TMEM255B: variants seen among roughly 807,000 people sequenced by gnomAD.
The protein encoded by TMEM255B is transmembrane protein 255B.
Under a neutral mutation model 34.5 loss-of-function variants are expected in TMEM255B, and 35 were observed. The ratio of observed to expected loss-of-function variants is 1.01; its 90% CI spans 0.77 to 1.34. TMEM255B has a LOEUF of 1.34. Ranked by LOEUF, TMEM255B falls within the 40% of genes most tolerant of loss-of-function variation. The pLI is 0.00. For missense variants in TMEM255B, 432 were observed against 433.2 expected (o/e 1.00, Z 0.02); for synonymous variants, 206 against 201.2 (o/e 1.02, Z -0.20).
At chr13:113,765,768 A>G (rs2050377715) in intron 1 of TMEM255B, among the ~76,000 whole-genome samples, 1 of 152,218 alleles carries the variant, frequency 6.6e-6, no homozygotes, top group Non-Finnish European at 1.5e-5. Context: ...AACAGTAAAC[A>G]AAAGATGCTC....
chr13:113,807,129 G>A (rs1252763212), intron 8 of TMEM255B, among the ~76,000 whole-genome samples: 2 of 152,300 alleles, frequency 1.3e-5, no homozygotes, highest in East Asian at 3.9e-4. Flanking sequence ...TGAGGGGCCC[G>A]GCTTCTCCAA....
At chr13:113,808,483 GGGTTTATTCCATGGTTCCTGGC>G (rs1392303935) in intron 8 of TMEM255B, among the ~76,000 whole-genome samples, 1 of 152,174 alleles carries the variant, frequency 6.6e-6, no homozygotes, top group Non-Finnish European at 1.5e-5. Context: ...TGGTTCCTGG[GGGTTTATTCCATGGTTCCTGGC>G]GGTTTACTCC....
intron 3 of TMEM255B, among the ~76,000 whole-genome samples, chr13:113,771,081 G>A (rs1284242791): frequency 6.6e-6 from 1 of 152,112 alleles, no homozygotes; most frequent in African/African-American, 2.4e-5. Flanking sequence ...TCCCAGATAT[G>A]TGAACCATCA....
At chr13:113,784,730 A>G (rs2050715452) in intron 3 of TMEM255B, among the ~76,000 whole-genome samples, 1 of 152,170 alleles carries the variant, frequency 6.6e-6, no homozygotes, top group Non-Finnish European at 1.5e-5. Flanking sequence ...TCCTTATGCA[A>G]ATTGCTCAGA....
In TMEM255B at chr13:113,779,767, C is replaced by T. The variant is rs967644603; in HGVS notation, c.252+10607C>T. ...AATTGAAAACATTATTTTGGAGACT[C>T]GTAGCCAGAAAAATTAGAATTTAAT... On this transcript the variant is annotated intron_variant, in intron 3 of 8. Coordinates refer to ENST00000375353, the MANE Select transcript of TMEM255B (RefSeq NM_182614.4). 2.6e-5 allele frequency among the ~76,000 whole-genome samples: 4 copies of T among 152,224 alleles called. 1 individual carries two copies. Among genetic ancestry groups the T allele is most frequent in the South Asian group, 4.1e-4 (2 of 4,822 alleles).
intron 3 of TMEM255B, among the ~76,000 whole-genome samples, chr13:113,789,818 C>T (rs530436751): frequency 2.0e-5 from 3 of 152,004 alleles, no homozygotes; most frequent in African/African-American, 2.4e-5. Context: ...TAATGCTGAA[C>T]TGACCGTGTA....
chr13:113,801,038 G>A (rs2051049635), intron 6 of TMEM255B, 126 bp downstream of exon 6: 1 of 357,662 alleles, frequency 2.8e-6, no homozygotes, highest in African/African-American at 2.3e-5. Context: ...TGAGGGAGGT[G>A]AGGGGCGCTG....
At chr13:113,808,921 T>C (rs949364335) in intron 8 of TMEM255B, among the ~76,000 whole-genome samples, 2 of 143,002 alleles carry the variant, frequency 1.4e-5, no homozygotes, top group Non-Finnish European at 3.0e-5. Context: ...GTTTACTCTG[T>C]GGTTCTTGGG....
chr13:113,767,778 C>A (rs1341901503), intron 2 of TMEM255B, among the ~76,000 whole-genome samples: 1 of 152,090 alleles, frequency 6.6e-6, no homozygotes, highest in African/African-American at 2.4e-5. Context: ...GAAGAAGCGG[C>A]CAGAACGTGA....
At chr13:113,787,063 T>C (rs1287505394) in intron 3 of TMEM255B, among the ~76,000 whole-genome samples, 1 of 152,182 alleles carries the variant, frequency 6.6e-6, no homozygotes, top group Non-Finnish European at 1.5e-5. Context: ...ACCTGGACTC[T>C]GACACTTTAA....
chr13:113,780,863 A>G (rs2050656261), intron 3 of TMEM255B, among the ~76,000 whole-genome samples: 1 of 152,246 alleles, frequency 6.6e-6, no homozygotes, highest in Non-Finnish European at 1.5e-5. Context: ...ACCTTGTGGC[A>G]CACAATAATT....
In TMEM255B at chr13:113,762,467, G is replaced by T. The variant is rs1594611892; in HGVS notation, c.46+3152G>T. Among the ~76,000 whole-genome samples, 7 of 152,236 alleles carry T rather than the reference G, an allele frequency of 4.6e-5. No individual in the cohort carries two copies. The South Asian group carries it at 1.5e-3, about 32-fold the overall frequency. On this transcript the variant is annotated intron_variant, in intron 1 of 8. Transcript: ENST00000375353. ...ATCTGTGATAGGAATGCTGATAAAAGGGTGGCTCATACCTTCTGCTTTTTA... is the reference window on the plus strand; with the variant it reads ...ATCTGTGATAGGAATGCTGATAAAATGGTGGCTCATACCTTCTGCTTTTTA...
chr13:113,802,586 C>T (rs1405506289), intron 7 of TMEM255B, among the ~76,000 whole-genome samples: 2 of 146,350 alleles, frequency 1.4e-5, no homozygotes, highest in African/African-American at 5.0e-5. Flanking sequence ...CAGGCCAGAC[C>T]CGGCCCAGCG....
At chr13:113,774,031 T>C (rs2050518082) in intron 3 of TMEM255B, among the ~76,000 whole-genome samples, 1 of 152,170 alleles carries the variant, frequency 6.6e-6, no homozygotes, top group Non-Finnish European at 1.5e-5. Flanking sequence ...ATTTTTACCA[T>C]AGAAAACTTT....
At chr13:113,791,430 C>T (rs946707474) in intron 3 of TMEM255B, among the ~76,000 whole-genome samples, 3 of 152,208 alleles carry the variant, frequency 2.0e-5, no homozygotes, top group Non-Finnish European at 4.4e-5. Flanking sequence ...TGTGGGCTTC[C>T]TAACGTTGGG....
chr13:113,811,945 T>TAA lies in TMEM255B; in HGVS notation c.*49_*50dup, dbSNP rs67868509. The TAA allele has an allele frequency of 1.9e-5, 29 of 1,493,792 alleles. No homozygotes were observed. The African/African-American group carries it at 4.0e-4, about 21-fold the overall frequency. The allele number at this position is 1,493,792 out of a possible 1,614,324, so 92.5% of individuals were successfully genotyped here. On this transcript the variant is annotated 3_prime_UTR_variant, in exon 9 of 9. Transcript: ENST00000375353. The stretch of plus-strand genomic sequence containing the variant: ...AAGATAACTTGTTTGTTTTTTTTTT[T>TAA]AAAAAAAAGGCAGCCTCTAGAAATC...
chr13:113,799,486 C>T, intron 5 of TMEM255B, 67 bp downstream of exon 5: 1 of 1,454,622 alleles, frequency 6.9e-7, no homozygotes, highest in Non-Finnish European at 9.6e-7. Flanking sequence ...ACGCGGTTTT[C>T]CCTGCACATA....
At chr13:113,800,763 C>A in intron 5 of TMEM255B, 64 bp from the exon 6 acceptor site, 1 of 1,495,078 alleles carries the variant, frequency 6.7e-7, no homozygotes, top group South Asian at 1.2e-5. Context: ...GCAGCCCTGC[C>A]CTTGGTGGGG....
chr13:113,778,099 G>A (rs547071466), intron 3 of TMEM255B, among the ~76,000 whole-genome samples: 191 of 152,350 alleles, frequency 1.3e-3, no homozygotes, highest in African/African-American at 3.4e-3. Flanking sequence ...ATGCATTCCT[G>A]TAGAGGAAGG....
Sources: gnomAD v4.1 joint callset for allele counts (sites outside exome capture counted in the v4.1 genomes callset) on GRCh38, gnomAD v4.1.1 for gene constraint, MANE v1.5 for transcripts, NCBI Gene and HGNC (gene_info 2026-07-23, HGNC 2026-07-21) for gene names.